The following PDE4B variants were observed in gnomAD, a reference collection of about 807,000 sequenced individuals.
PDE4B encodes the protein 3',5'-cyclic-AMP phosphodiesterase 4B.
In PDE4B, 20 loss-of-function variants were observed where a neutral mutation model predicts 82.2. The ratio of observed to expected loss-of-function variants is 0.24; its 90% CI spans 0.17 to 0.35. The LOEUF (loss-of-function observed/expected upper bound fraction) is 0.35, where lower values mean the gene tolerates loss of function less well. PDE4B is among the 10% of genes least tolerant of loss of function. The pLI is 1.00. For synonymous variants in PDE4B, 320 were observed against 318.9 expected (o/e 1.00, Z -0.04); for missense variants, 655 against 907.2 (o/e 0.72, Z 3.57).
intron 3 of PDE4B, among the ~76,000 whole-genome samples, chr1:66,021,721 A>T (rs1653129136): frequency 6.6e-6 from 1 of 152,112 alleles, no homozygotes; most frequent in Non-Finnish European, 1.5e-5. Context: ...GTAGCCTTGT[A>T]GTATAGTTTG....
At chr1:65,934,729 T>TA (rs1288165560) in intron 3 of PDE4B, among the ~76,000 whole-genome samples, 2 of 152,160 alleles carry the variant, frequency 1.3e-5, no homozygotes, top group African/African-American at 4.8e-5. Context: ...TGGCTATACT[T>TA]ATATCAGACA....
intron 1 of PDE4B, among the ~76,000 whole-genome samples, chr1:65,854,814 G>A (rs1003297156): frequency 4.0e-5 from 6 of 151,646 alleles, no homozygotes; most frequent in Non-Finnish European, 5.9e-5. Flanking sequence ...CCTCTCCTCT[G>A]GAACTCCATA....
At chr1:65,856,067 T>A (rs1242798111) in intron 1 of PDE4B, among the ~76,000 whole-genome samples, 1 of 152,172 alleles carries the variant, frequency 6.6e-6, no homozygotes, top group South Asian at 2.1e-4. Flanking sequence ...AAGATAAAAC[T>A]TTTTATGACC....
At chr1:65,856,414 T>C (rs1557781408) in intron 1 of PDE4B, among the ~76,000 whole-genome samples, 1 of 152,170 alleles carries the variant, frequency 6.6e-6, no homozygotes, top group Non-Finnish European at 1.5e-5. Flanking sequence ...TTCGCACTTA[T>C]GAGTGAGAAT....
rs959383877 is a variant in PDE4B at position 66,071,024 on chromosome 1, G to C, written c.281+152189G>C. On this transcript the variant is annotated intron_variant, in intron 3 of 16. Transcript: ENST00000341517. ...GTTTAAAATTTACTCTTTCTTCAGA[G>C]TAAATTATGTTAATAATTTTTCTTA... is the stretch of plus-strand genomic sequence containing the variant. 4.4e-4 allele frequency among the ~76,000 whole-genome samples: 67 copies of C among 151,852 alleles called. 1 individual carries two copies. The highest frequency in any genetic ancestry group is 1.8e-4 in the Non-Finnish European group (12 of 67,920).
At chr1:66,270,516 C>G (rs1655394501) in intron 7 of PDE4B, among the ~76,000 whole-genome samples, 1 of 152,180 alleles carries the variant, frequency 6.6e-6, no homozygotes, top group African/African-American at 2.4e-5. Context: ...TTTGCCAGAA[C>G]TTTCAGGACC....
chr1:65,989,988 A>C (rs140128366), intron 3 of PDE4B, among the ~76,000 whole-genome samples: 39 of 151,692 alleles, frequency 2.6e-4, no homozygotes, highest in African/African-American at 8.9e-4. Context: ...CAGACTTTCA[A>C]AGAGTCCGAT....
rs145276769 is a variant in PDE4B at position 65,919,497 on chromosome 1, A to G, written c.281+662A>G. Among the ~76,000 whole-genome samples, 1,043 of 152,212 alleles carry G rather than the reference A, an allele frequency of 6.9e-3. 13 individuals are homozygous for G. The highest frequency in any genetic ancestry group is 0.024 in the African/African-American group (985 of 41,522). ...TATATTTAATAATTAGTACATTCTC[A>G]CTTTTCCTTTTCTGTTTTCCTACAT... On this transcript the variant is annotated intron_variant, in intron 3 of 16. Coordinates refer to ENST00000341517, the MANE Select transcript of PDE4B (RefSeq NM_002600.4).
rs147181354 is a variant in PDE4B, at chr1:66,091,603, T to C, written c.282-155857T>C. On this transcript the variant is annotated intron_variant, in intron 3 of 16. Coordinates refer to ENST00000341517, the MANE Select transcript of PDE4B (RefSeq NM_002600.4). ...CTCTTCTAATTGACTGCCACATGCT[T>C]AGACATATCCAGCAGATGAAAATTA... is the stretch of plus-strand genomic sequence containing the variant. Among the ~76,000 whole-genome samples, 211 of 152,160 alleles carry C rather than the reference T, an allele frequency of 1.4e-3. 4 individuals are homozygous for C. In the East Asian group the frequency reaches 0.034, roughly 25 times the overall value.
chr1:66,310,834 T>C (rs1658618311), intron 7 of PDE4B, among the ~76,000 whole-genome samples: 1 of 152,220 alleles, frequency 6.6e-6, no homozygotes. Context: ...TAAACCTGTT[T>C]TCTTATCTGT....
At chr1:66,201,206 A>G (rs1487622105) in intron 3 of PDE4B, among the ~76,000 whole-genome samples, 2 of 152,174 alleles carry the variant, frequency 1.3e-5, no homozygotes, top group African/African-American at 4.8e-5. Flanking sequence ...CCACTTGATC[A>G]TGGTGGATAA....
At chr1:66,078,352 A>G (rs1299817131) in intron 3 of PDE4B, among the ~76,000 whole-genome samples, 1 of 151,908 alleles carries the variant, frequency 6.6e-6, no homozygotes, top group East Asian at 1.9e-4. Flanking sequence ...ACATGTCACC[A>G]CGCCTGGCTA....
intron 3 of PDE4B, among the ~76,000 whole-genome samples, chr1:66,113,499 A>G (rs1466524320): frequency 6.6e-6 from 1 of 152,188 alleles, no homozygotes; most frequent in Non-Finnish European, 1.5e-5. Flanking sequence ...GTCCATAATA[A>G]GATAATTTTA....
rs2100639918 is a variant in PDE4B at position 65,976,183 on chromosome 1, C to T, written c.281+57348C>T. Reference sequence around the variant, plus strand: ...CTGCCCAAGGCCTTGGGAGCCCACCCCTTGAATCAGCATGCCCTGGATGAG... The same window carrying T: ...CTGCCCAAGGCCTTGGGAGCCCACCTCTTGAATCAGCATGCCCTGGATGAG... On this transcript the variant is annotated intron_variant, in intron 3 of 16. Transcript: ENST00000341517. Among the ~76,000 whole-genome samples the T allele has an allele frequency of 1.3e-5, 2 of 152,310 alleles. 1 individual carries two copies. Among genetic ancestry groups the T allele is most frequent in the South Asian group, 4.1e-4 (2 of 4,824 alleles).
At chr1:66,016,106 C>T (rs1193490596) in intron 3 of PDE4B, among the ~76,000 whole-genome samples, 2 of 152,100 alleles carry the variant, frequency 1.3e-5, no homozygotes, top group Admixed American at 6.6e-5. Flanking sequence ...CTCTCTGTGT[C>T]TGAGTATCTC....
intron 1 of PDE4B, among the ~76,000 whole-genome samples, chr1:65,861,567 T>A (rs1220995193): frequency 2.0e-5 from 3 of 152,220 alleles, no homozygotes; most frequent in Admixed American, 2.0e-4. Flanking sequence ...AAAGTAGTTT[T>A]TTTCTAATTC....
At chr1:65,992,660 A>T (rs1443961940) in intron 3 of PDE4B, 1 of 1,145,168 alleles carries the variant, frequency 8.7e-7, no homozygotes, top group Non-Finnish European at 1.1e-6. Flanking sequence ...GAGGCTACTG[A>T]CATTGGAAGC....
chr1:66,323,686 C>A (rs1462539704), intron 7 of PDE4B, among the ~76,000 whole-genome samples: 2 of 152,070 alleles, frequency 1.3e-5, no homozygotes, highest in African/African-American at 4.8e-5. Flanking sequence ...TGCTACAGCC[C>A]ATTAAAATAG....
Position 66,267,880 on chromosome 1 carries a change from C to T in PDE4B, c.634+1793C>T, listed in dbSNP as rs553380430. The stretch of plus-strand genomic sequence containing the variant: ...GCTTAAATAAGTCAGGCAGATTTTT[C>T]CTGTTATTTTAATATTTATCAGCAT... On this transcript the variant is annotated intron_variant, in intron 7 of 16. Coordinates refer to ENST00000341517, the MANE Select transcript of PDE4B (RefSeq NM_002600.4). 7.2e-5 allele frequency among the ~76,000 whole-genome samples: 11 copies of T among 152,204 alleles called. No individual in the cohort carries two copies. The South Asian group carries it at 2.3e-3, about 32-fold the overall frequency.
Sources: allele counts gnomAD v4.1 joint callset (sites outside exome capture counted in the v4.1 genomes callset), GRCh38; gene constraint gnomAD v4.1.1; transcripts MANE v1.5; gene names NCBI Gene and HGNC (gene_info 2026-07-23, HGNC 2026-07-21).